The following THSD7A variants were observed in gnomAD, a reference collection of about 807,000 sequenced individuals.
THSD7A encodes thrombospondin type 1 domain containing 7A.
Under a neutral mutation model 231.3 loss-of-function variants are expected in THSD7A, and 96 were observed. That is an observed-to-expected ratio of 0.41 (90% CI 0.35 to 0.49). The LOEUF (loss-of-function observed/expected upper bound fraction) is 0.49. THSD7A is among the 20% of genes least tolerant of loss of function. The probability of loss-of-function intolerance (pLI) is 0.05; values close to 1 mark genes in which losing one functional copy is unlikely to be tolerated. For missense variants in THSD7A, 2,290 were observed against 2,070.2 expected (o/e 1.11, Z -2.06); for synonymous variants, 940 against 743.3 (o/e 1.26, Z -4.30).
Position 11,401,797 on chromosome 7 carries a change from T to G in THSD7A, c.4409A>C (p.Tyr1470Ser). 6.2e-7 allele frequency: 1 copy of G among 1,612,708 alleles called. No homozygotes were observed. The highest frequency in any genetic ancestry group is 8.5e-7 in the Non-Finnish European group (1 of 1,179,344). ...AGTATATGAACGGTAGCACTCACCA[T>G]AACATGATTTTGTTTCTAACATCTG... is the stretch of plus-strand genomic sequence containing the variant. Reference protein sequence around the residue: ...PEQMLETKSCYDGQCYEYKWM... With the variant: ...PEQMLETKSCSDGQCYEYKWM... Residue 1470 changes from tyrosine to serine, a missense_variant and splice_region_variant, in exon 23 of 28, where the codon TAT becomes TCT. Physicochemically the swap from Tyr to Ser is moderately radical, Grantham distance 144 (BLOSUM62 -2). Transcript: ENST00000423059.
chr7:11,393,727 A>T (rs1040826176), intron 23 of THSD7A, among the ~76,000 whole-genome samples: 1 of 152,272 alleles, frequency 6.6e-6, no homozygotes, highest in South Asian at 2.1e-4. Flanking sequence ...ATACACAAGT[A>T]TCAATAGCCA....
At chr7:11,699,044 G>C (rs1780490625) in intron 1 of THSD7A, among the ~76,000 whole-genome samples, 1 of 147,164 alleles carries the variant, frequency 6.8e-6, no homozygotes, top group Admixed American at 6.9e-5. Context: ...AACTAATTAA[G>C]AGCCAGAATA....
chr7:11,569,928 T>G (rs1287787181), intron 4 of THSD7A, among the ~76,000 whole-genome samples: 1 of 152,158 alleles, frequency 6.6e-6, no homozygotes, highest in African/African-American at 2.4e-5. Flanking sequence ...TCCCAGCACT[T>G]TGGGAGGCTG....
At chr7:11,558,596 T>C (rs547110708) in intron 4 of THSD7A, among the ~76,000 whole-genome samples, 26 of 152,222 alleles carry the variant, frequency 1.7e-4, no homozygotes, top group African/African-American at 6.3e-4. Flanking sequence ...ATGAAAGTAT[T>C]ACTATACTAG....
At chr7:11,467,348 T>A (rs1436503553) in intron 9 of THSD7A, among the ~76,000 whole-genome samples, 2 of 152,186 alleles carry the variant, frequency 1.3e-5, no homozygotes, top group African/African-American at 4.8e-5. Context: ...TATTGAACCA[T>A]GTAAGTCTTA....
At chr7:11,656,873 T>A (rs1782728862) in intron 1 of THSD7A, among the ~76,000 whole-genome samples, 1 of 151,866 alleles carries the variant, frequency 6.6e-6, no homozygotes, top group Admixed American at 6.6e-5. Flanking sequence ...GTTTTTAATA[T>A]AGAAAAACAA....
intron 1 of THSD7A, among the ~76,000 whole-genome samples, chr7:11,744,693 T>C (rs1782225225): frequency 6.7e-6 from 1 of 149,594 alleles, no homozygotes; most frequent in Non-Finnish European, 1.5e-5. Flanking sequence ...ACATGCGGTG[T>C]TTGGTTTTGG....
chr7:11,594,048 T>C (rs1452338892), intron 2 of THSD7A, among the ~76,000 whole-genome samples: 1 of 152,142 alleles, frequency 6.6e-6, no homozygotes, highest in Non-Finnish European at 1.5e-5. Context: ...GTGGACACCA[T>C]CTAATCAGCT....
At chr7:11,407,272 C>G in intron 20 of THSD7A, 34 bp downstream of exon 20, 4 of 1,547,108 alleles carry the variant, frequency 2.6e-6, no homozygotes, top group Non-Finnish European at 3.6e-6. Context: ...ATTCCTTGAC[C>G]AGTAGCCTAA....
Position 11,593,394 on chromosome 7 carries a change from ATGGCATGTTT to A in THSD7A, c.1121_1130del (p.Lys374MetfsTer11). On this transcript the variant is annotated frameshift_variant, in exon 3 of 28. Transcript: ENST00000423059. LOFTEE classifies it high-confidence loss of function. ...GAGTGCCTGCAGGGGACACCATGTC[ATGGCATGTTT>A]TTGAGCAGGGGCTCCACTCTGACCA... 6.2e-7 allele frequency: 1 copy of A among 1,614,014 alleles called. No individual in the cohort carries two copies. Among genetic ancestry groups the A allele is most frequent in the Non-Finnish European group, 8.5e-7 (1 of 1,179,896 alleles).
chr7:11,715,026 C>T (rs977682758), intron 1 of THSD7A, among the ~76,000 whole-genome samples: 6 of 151,380 alleles, frequency 4.0e-5, no homozygotes, highest in Admixed American at 6.6e-5. Context: ...TTCTTTATAG[C>T]GAAGGGTTAT....
At chr7:11,594,789 T>G (rs1468415941) in intron 2 of THSD7A, among the ~76,000 whole-genome samples, 3 of 152,138 alleles carry the variant, frequency 2.0e-5, no homozygotes, top group Non-Finnish European at 4.4e-5. Flanking sequence ...GGAGCCGAAA[T>G]TGTGGAAAAA....
intron 24 of THSD7A, among the ~76,000 whole-genome samples, chr7:11,380,567 T>C (rs1376544217): frequency 6.6e-6 from 1 of 152,110 alleles, no homozygotes; most frequent in Non-Finnish European, 1.5e-5. Flanking sequence ...CATAGAAAAA[T>C]TGTCACAGAA....
intron 23 of THSD7A, among the ~76,000 whole-genome samples, chr7:11,400,805 T>A (rs1783374882): frequency 6.6e-6 from 1 of 152,190 alleles, no homozygotes; most frequent in Non-Finnish European, 1.5e-5. Context: ...AAAGGTGATA[T>A]TTTGTCTCCT....
At chr7:11,744,613 C>G (rs1222481167) in intron 1 of THSD7A, among the ~76,000 whole-genome samples, 1 of 133,006 alleles carries the variant, frequency 7.5e-6, no homozygotes, top group Admixed American at 8.1e-5. Flanking sequence ...CCACAACAGG[C>G]CCCAGTGTGT....
At chr7:11,486,914 G>A (rs991590898) in intron 6 of THSD7A, among the ~76,000 whole-genome samples, 1 of 151,992 alleles carries the variant, frequency 6.6e-6, no homozygotes, top group African/African-American at 2.4e-5. Flanking sequence ...CTTAACTGAA[G>A]CATATACTAT....
chr7:11,659,294 A>C (rs1174892901), intron 1 of THSD7A, among the ~76,000 whole-genome samples: 1 of 151,594 alleles, frequency 6.6e-6, no homozygotes, highest in African/African-American at 2.4e-5. Context: ...TGTTCTCTGC[A>C]CCGAGCGGTC....
rs770236913 is a variant in THSD7A, at chr7:11,406,207, C to T, written c.4237+93G>A. The T allele has an allele frequency of 1.2e-5, 15 of 1,266,162 alleles. No homozygotes were observed. The highest frequency in any genetic ancestry group is 1.6e-5 in the Non-Finnish European group (15 of 912,646). 78.4% of individuals were successfully genotyped at this position (1,266,162 alleles called of 1,614,324 possible). On this transcript the variant is annotated intron_variant, in intron 22 of 27. Coordinates refer to ENST00000423059, the MANE Select transcript of THSD7A (RefSeq NM_015204.3). The surrounding 1 kb of genome is among the most constrained non-coding windows in gnomAD (Gnocchi z 4.7). ...TATTACTGAATAAGAAGACTGTTGA[C>T]ATCCTGTAACTTATACTTTATATGC...
chr7:11,709,276 G>T (rs1212584766), intron 1 of THSD7A, among the ~76,000 whole-genome samples: 1 of 150,634 alleles, frequency 6.6e-6, no homozygotes, highest in African/African-American at 2.4e-5. Context: ...GTACCCAATG[G>T]ATATCCCTTA....
Sources: allele counts gnomAD v4.1 joint callset (sites outside exome capture counted in the v4.1 genomes callset), GRCh38; gene constraint gnomAD v4.1.1; non-coding constraint Gnocchi (gnomAD v3.1); transcripts MANE v1.5; gene names NCBI Gene and HGNC (gene_info 2026-07-23, HGNC 2026-07-21).